OR11G2: variants seen among roughly 807,000 people sequenced by gnomAD.
OR11G2 encodes the protein olfactory receptor 11G2.
Under a neutral mutation model 0.9 loss-of-function variants are expected in OR11G2, and 2 were observed. The observed-to-expected ratio is 2.35, with a 90% CI of 0.96 to 7.38. The LOEUF is 7.38. Ranked by LOEUF, OR11G2 falls within the 30% of genes most tolerant of loss-of-function variation. The probability of loss-of-function intolerance (pLI) is 0.05; values close to 1 mark genes in which losing one functional copy is unlikely to be tolerated. For missense variants in OR11G2, 395 were observed against 371.3 expected (o/e 1.06, Z -0.52); for synonymous variants, 153 against 142.0 (o/e 1.08, Z -0.55).
At chr14:20,196,453 A>G (rs1035747528) in intron 1 of OR11G2, among the ~76,000 whole-genome samples, 8 of 152,204 alleles carry the variant, frequency 5.3e-5, no homozygotes, top group Non-Finnish European at 2.9e-5. Context: ...ACTAATTCCA[A>G]GGCTTGATTA....
At chr14:20,197,315 T>A in intron 1 of OR11G2, 119 bp from the exon 2 acceptor site, 2 of 1,352,668 alleles carry the variant, frequency 1.5e-6, no homozygotes, top group Middle Eastern at 4.1e-4. Flanking sequence ...TACTTTTTAC[T>A]TTTATTTCAA....
chr14:20,198,193 T>A lies in OR11G2; in HGVS notation c.756T>A (p.Val252=), dbSNP rs2139115460. ...CCTGTGGGTCTCACCTGGCTGTGGTTTCACTGTTCTACGGCTCAGTACTGG... is the reference window on the plus strand; with the variant it reads ...CCTGTGGGTCTCACCTGGCTGTGGTATCACTGTTCTACGGCTCAGTACTGG... ...FSTCGSHLAV[V]SLFYGSVLVM... Residue 252 remains valine, a synonymous_variant, in exon 2 of 2, where the codon GTT becomes GTA. Coordinates refer to ENST00000641879, the MANE Select transcript of OR11G2 (RefSeq NM_001386033.1). 6.2e-7 allele frequency: 1 copy of A among 1,614,110 alleles called. No individual in the cohort carries two copies. Among genetic ancestry groups the A allele is most frequent in the South Asian group, 1.1e-5 (1 of 91,084 alleles).
chr14:20,192,481 T>C (rs1296973258), intron 1 of OR11G2, among the ~76,000 whole-genome samples: 1 of 152,196 alleles, frequency 6.6e-6, no homozygotes, highest in Non-Finnish European at 1.5e-5. Context: ...TAATTATCTT[T>C]AGCAGTCAGG....
rs1188998134 is a variant in OR11G2, at chr14:20,200,404, G to C, written c.*2031G>C. On this transcript the variant is annotated 3_prime_UTR_variant, in exon 2 of 2. Transcript: ENST00000641879. ...CATCCAGAAAAAGATTCTTAAACAT[G>C]GAAAGGGCACTAACTAATTCATAAA... 1 of 152,100 alleles carries C rather than the reference G, an allele frequency of 6.6e-6. No homozygotes were observed. The highest frequency in any genetic ancestry group is 1.5e-5 in the Non-Finnish European group (1 of 68,016). 9.4% of individuals were successfully genotyped at this position (152,100 alleles called of 1,614,324 possible). A position where few individuals can be genotyped will look rare whatever the true frequency, so the allele number is the denominator to read the frequency against.
In OR11G2 at chr14:20,199,062, C is replaced by T. The variant is rs1025264468; in HGVS notation, c.*689C>T. On this transcript the variant is annotated 3_prime_UTR_variant, in exon 2 of 2. Transcript: ENST00000641879. ...TTTTACTCTTAGGGTGTGGCTCTTA[C>T]TGCAGGAACATAGCCTTTCTGAGAC... is the stretch of plus-strand genomic sequence containing the variant. 1 of 152,226 alleles carries T rather than the reference C, an allele frequency of 6.6e-6. No individual in the cohort carries two copies. Among genetic ancestry groups the T allele is most frequent in the South Asian group, 2.1e-4 (1 of 4,832 alleles). The allele number at this position is 152,226 out of a possible 1,614,324, so 9.4% of individuals were successfully genotyped here.
rs1879879758 is a variant in OR11G2, at chr14:20,200,426, T to TA, written c.*2058dup. ...CATGGAAAGGGCACTAACTAATTCA[T>TA]AAAAAGGTAAAAGTAGAATAAGCCT... On this transcript the variant is annotated 3_prime_UTR_variant, in exon 2 of 2. Transcript: ENST00000641879. The TA allele has an allele frequency of 6.6e-6, 1 of 152,178 alleles. No individual in the cohort carries two copies. Among genetic ancestry groups the TA allele is most frequent in the South Asian group, 2.1e-4 (1 of 4,834 alleles). 9.4% of individuals were successfully genotyped at this position (152,178 alleles called of 1,614,324 possible).
chr14:20,198,010 C>T lies in OR11G2; in HGVS notation c.573C>T (p.Leu191=), dbSNP rs1288493801. The change falls in exon 2 of 2, where the codon CTC becomes CTT. Residue 191 remains leucine (L), a synonymous_variant. Coordinates refer to ENST00000641879, the MANE Select transcript of OR11G2 (RefSeq NM_001386033.1). The part of the protein sequence containing the change: ...FLCDPAPLLT[L]TCKKGPVIEL... ...GTGACCCAGCTCCTCTTCTAACTCT[C>T]ACTTGCAAAAAAGGCCCTGTGATAG... 2.6e-6 allele frequency: 4 copies of T among 1,544,062 alleles called. No homozygotes were observed. In the African/African-American group the frequency reaches 5.3e-5, roughly 20 times the overall value.
chr14:20,197,394 A>G, intron 1 of OR11G2, 40 bp from the exon 2 acceptor site: 2 of 1,609,826 alleles, frequency 1.2e-6, no homozygotes, highest in South Asian at 1.1e-5. Flanking sequence ...CTATGTTTGC[A>G]CCGTCATTCA....
chr14:20,192,278 A>G (rs1415755537), intron 1 of OR11G2, among the ~76,000 whole-genome samples: 1 of 152,206 alleles, frequency 6.6e-6, no homozygotes, highest in Non-Finnish European at 1.5e-5. Flanking sequence ...TACATGTGGG[A>G]TACTTGGAAT....
rs1879884406 is a variant in OR11G2 at position 20,200,635 on chromosome 14, A to G, written c.*2262A>G. On this transcript the variant is annotated 3_prime_UTR_variant, in exon 2 of 2. Transcript: ENST00000641879. Reference sequence around the variant, plus strand: ...AAAATTTAGAAGACACATATCCTTTAAAACAGCACCTCAACTTTTAAGTTG... The same window carrying G: ...AAAATTTAGAAGACACATATCCTTTGAAACAGCACCTCAACTTTTAAGTTG... 1 of 152,222 alleles carries G rather than the reference A, an allele frequency of 6.6e-6. No homozygotes were observed. The highest frequency in any genetic ancestry group is 6.5e-5 in the Admixed American group (1 of 15,286). The allele number at this position is 152,222 out of a possible 1,614,324, so 9.4% of individuals were successfully genotyped here.
chr14:20,193,701 C>T (rs1879698581), intron 1 of OR11G2, among the ~76,000 whole-genome samples: 1 of 152,224 alleles, frequency 6.6e-6, no homozygotes, highest in Non-Finnish European at 1.5e-5. Flanking sequence ...TAGGCACATA[C>T]ATTCACTTAC....
intron 1 of OR11G2, among the ~76,000 whole-genome samples, chr14:20,191,919 G>A (rs1386281903): frequency 7.5e-6 from 1 of 133,142 alleles, no homozygotes; most frequent in Non-Finnish European, 1.5e-5. Flanking sequence ...TTGAGACAGA[G>A]TTTCACTCTG....
At position 20,197,226 on chromosome 14, in the gene OR11G2, C is replaced by T. The variant is rs536512368; in HGVS notation, c.-4-208C>T. The T allele has an allele frequency of 4.4e-5, 30 of 679,022 alleles. No individual in the cohort carries two copies. The South Asian group carries it at 5.4e-4, about 12-fold the overall frequency. The allele number at this position is 679,022 out of a possible 1,614,324, so 42.1% of individuals were successfully genotyped here. A position where few individuals can be genotyped will look rare whatever the true frequency, so the allele number is the denominator to read the frequency against. ...TGAGCCTATGGTAAAAATGTGAACGCGAGCAAAGAATCAATCCAGATCAAT... is the reference window on the plus strand; with the variant it reads ...TGAGCCTATGGTAAAAATGTGAACGTGAGCAAAGAATCAATCCAGATCAAT... On this transcript the variant is annotated intron_variant, in intron 1 of 1. Transcript: ENST00000641879.
rs1307209507 is a variant in OR11G2 at position 20,200,597 on chromosome 14, G to T, written c.*2224G>T. 6.6e-6 allele frequency: 1 copy of T among 152,122 alleles called. No individual in the cohort carries two copies. Among genetic ancestry groups the T allele is most frequent in the Admixed American group, 6.5e-5 (1 of 15,274 alleles). The allele number at this position is 152,122 out of a possible 1,614,324, so 9.4% of individuals were successfully genotyped here. A position where few individuals can be genotyped will look rare whatever the true frequency, so the allele number is the denominator to read the frequency against. On this transcript the variant is annotated 3_prime_UTR_variant, in exon 2 of 2. Coordinates refer to ENST00000641879, the MANE Select transcript of OR11G2 (RefSeq NM_001386033.1). Reference sequence around the variant, plus strand: ...TTACAAACTCTATATAGGGTGACAAGGCAACCTCTATCAAAATTTAGAAGA... The same window carrying T: ...TTACAAACTCTATATAGGGTGACAATGCAACCTCTATCAAAATTTAGAAGA...
intron 1 of OR11G2, among the ~76,000 whole-genome samples, chr14:20,195,566 G>A (rs1194281064): frequency 6.6e-6 from 1 of 152,136 alleles, no homozygotes; most frequent in Non-Finnish European, 1.5e-5. Flanking sequence ...ATTATGGATT[G>A]TGTTAAAATT....
rs1409638509 is a variant in OR11G2, at chr14:20,191,159, A to G, written c.-512A>G. 1.3e-5 allele frequency: 2 copies of G among 152,164 alleles called. No individual in the cohort carries two copies. Among genetic ancestry groups the G allele is most frequent in the Non-Finnish European group, 1.5e-5 (1 of 68,038 alleles). The allele number at this position is 152,164 out of a possible 1,614,324, so 9.4% of individuals were successfully genotyped here. On this transcript the variant is annotated 5_prime_UTR_variant, in exon 1 of 2. Transcript: ENST00000641879. ...CCTTACTCAAATCCACTGTTTTTCT[A>G]CTATGCCTGAGTTGCCTACCCCTTC...
Position 20,197,567 on chromosome 14 carries a change from A to G in OR11G2, c.130A>G (p.Met44Val), listed in dbSNP as rs1422425325. The G allele has an allele frequency of 6.2e-7, 1 of 1,614,106 alleles. No homozygotes were observed. Among genetic ancestry groups the G allele is most frequent in the East Asian group, 2.2e-5 (1 of 44,874 alleles). The stretch of plus-strand genomic sequence containing the variant: ...CACTGTTGTTTACCTCCTGACCCTC[A>G]TGGGCAATGGTTCCATCATCTGTGC... ...LFTVVYLLTL[M>V]GNGSIICAVH... Residue 44 changes from methionine to valine, a missense_variant, in exon 2 of 2, where the codon ATG (methionine) becomes GTG (valine). Coordinates refer to ENST00000641879, the MANE Select transcript of OR11G2 (RefSeq NM_001386033.1).
In OR11G2 at chr14:20,196,082, A is replaced by G. The variant is rs567545508; in HGVS notation, c.-4-1352A>G. On this transcript the variant is annotated intron_variant, in intron 1 of 1. Coordinates refer to ENST00000641879, the MANE Select transcript of OR11G2 (RefSeq NM_001386033.1). ...CAGACTAAAGTTGGTAAAAATTGTT[A>G]TATAGATTCCTCTGGTGCCATCTCC... Among the ~76,000 whole-genome samples the G allele has an allele frequency of 8.8e-4, 134 of 152,354 alleles. No individual in the cohort carries two copies. The South Asian group carries it at 0.016, about 18-fold the overall frequency.
At chr14:20,193,162 G>A (rs983573096) in intron 1 of OR11G2, among the ~76,000 whole-genome samples, 1 of 152,156 alleles carries the variant, frequency 6.6e-6, no homozygotes, top group Non-Finnish European at 1.5e-5. Context: ...TTGTTGCCAA[G>A]GCTGGAGTGC....
Sources: gnomAD v4.1 joint callset for allele counts (sites outside exome capture counted in the v4.1 genomes callset) on GRCh38, gnomAD v4.1.1 for gene constraint, MANE v1.5 for transcripts, NCBI Gene and HGNC (gene_info 2026-07-23, HGNC 2026-07-21) for gene names.